Variants in SRPK2 observed in about 807,000 individuals in gnomAD.
SRPK2 encodes SFRS protein kinase 2.
In SRPK2, 21 loss-of-function variants were observed where a neutral mutation model predicts 90.8. The ratio of observed to expected loss-of-function variants is 0.23; its 90% CI spans 0.16 to 0.33. SRPK2 has a LOEUF of 0.33. Among genes scored for constraint, SRPK2 ranks in the 10% least tolerant of loss-of-function variants. The pLI, the probability that SRPK2 is intolerant of heterozygous loss-of-function variation, is 1.00. For synonymous variants in SRPK2, 288 were observed against 311.1 expected (o/e 0.93, Z 0.78); for missense variants, 620 against 869.0 (o/e 0.71, Z 3.60).
intron 1 of SRPK2, among the ~76,000 whole-genome samples, chr7:105,397,892 C>T (rs1444377966): frequency 6.6e-6 from 1 of 152,180 alleles, no homozygotes; most frequent in Non-Finnish European, 1.5e-5. Flanking sequence ...AAGTGACCCA[C>T]TCACCTCGGC....
chr7:105,321,235 T>A (rs1004472158), intron 2 of SRPK2, among the ~76,000 whole-genome samples: 2 of 152,126 alleles, frequency 1.3e-5, no homozygotes, highest in African/African-American at 4.8e-5. Context: ...GAACAGACTA[T>A]TCAACAAATG....
chr7:105,355,481 C>T (rs1352738676), intron 2 of SRPK2, among the ~76,000 whole-genome samples: 1 of 151,988 alleles, frequency 6.6e-6, no homozygotes, highest in Non-Finnish European at 1.5e-5. Flanking sequence ...CACATCTCAA[C>T]TGAAAATAAA....
intron 2 of SRPK2, among the ~76,000 whole-genome samples, chr7:105,223,062 G>A (rs1798296000): frequency 6.6e-6 from 1 of 152,158 alleles, no homozygotes; most frequent in African/African-American, 2.4e-5. Context: ...GGCTGAAGTG[G>A]CCCAGCTGAC....
rs764091101 is a variant in SRPK2, at chr7:105,167,489, G to A, written c.427-25C>T. 12 of 1,574,498 alleles carry A rather than the reference G, an allele frequency of 7.6e-6. 1 individual carries two copies. Among genetic ancestry groups the A allele is most frequent in the South Asian group, 3.3e-5 (3 of 89,906 alleles). ...CCTATGCCAAGAAAAATGAATGCAA[G>A]AACACAGGAGTTTGAGACAAAGCAT... On this transcript the variant is annotated intron_variant, in intron 5 of 15. Transcript: ENST00000393651.
intron 3 of SRPK2, among the ~76,000 whole-genome samples, chr7:105,191,690 T>C (rs1248490383): frequency 1.3e-5 from 2 of 152,092 alleles, no homozygotes; most frequent in Admixed American, 6.6e-5. Context: ...CTGCCCTCCA[T>C]ACTCAACAGA....
intron 3 of SRPK2, among the ~76,000 whole-genome samples, chr7:105,177,710 T>TA (rs975653897): frequency 5.3e-5 from 8 of 151,876 alleles, no homozygotes; most frequent in Admixed American, 2.0e-4. Context: ...AAACTGCTCT[T>TA]AAAAAAACAA....
chr7:105,315,782 A>C (rs990928768), intron 2 of SRPK2, among the ~76,000 whole-genome samples: 1 of 152,226 alleles, frequency 6.6e-6, no homozygotes, highest in Non-Finnish European at 1.5e-5. Flanking sequence ...ACAAATATTC[A>C]TGGTGAACAA....
chr7:105,233,774 C>G (rs549345049), intron 2 of SRPK2, among the ~76,000 whole-genome samples: 9 of 152,150 alleles, frequency 5.9e-5, no homozygotes, highest in African/African-American at 2.2e-4. Context: ...GCAGGAGAAT[C>G]GCTTGAACCT....
At chr7:105,349,536 A>AG (rs1816906822) in intron 2 of SRPK2, among the ~76,000 whole-genome samples, 1 of 149,838 alleles carries the variant, frequency 6.7e-6, no homozygotes, top group Admixed American at 6.7e-5. Context: ...AAAAAAAAAA[A>AG]AAGAATTAGG....
At chr7:105,236,243 C>T (rs994256721) in intron 2 of SRPK2, among the ~76,000 whole-genome samples, 1 of 152,168 alleles carries the variant, frequency 6.6e-6, no homozygotes, top group Non-Finnish European at 1.5e-5. Context: ...GAGTTTAGGA[C>T]AGGGAAATGA....
chr7:105,388,867 C>T lies in SRPK2; in HGVS notation c.-61G>A, dbSNP rs1821988511. ...ACGGCGACGCGGGCGCCGAGACGAGCTGGGCTGCAGCCTCCACTCGCTCCG... is the reference window on the plus strand; with the variant it reads ...ACGGCGACGCGGGCGCCGAGACGAGTTGGGCTGCAGCCTCCACTCGCTCCG... On this transcript the variant is annotated 5_prime_UTR_variant, in exon 1 of 16. Coordinates refer to ENST00000393651, the MANE Select transcript of SRPK2 (RefSeq NM_182692.3). 7.7e-7 allele frequency: 1 copy of T among 1,306,432 alleles called. No homozygotes were observed. Among genetic ancestry groups the T allele is most frequent in the East Asian group, 3.2e-5 (1 of 31,448 alleles). The allele number at this position is 1,306,432 out of a possible 1,614,324, so 80.9% of individuals were successfully genotyped here. A position where few individuals can be genotyped will look rare whatever the true frequency, so the allele number is the denominator to read the frequency against.
At chr7:105,324,461 G>T (rs372476061) in intron 2 of SRPK2, among the ~76,000 whole-genome samples, 1 of 152,056 alleles carries the variant, frequency 6.6e-6, no homozygotes, top group African/African-American at 2.4e-5. Flanking sequence ...GATTACAGGC[G>T]TGAGCCACCA....
At chr7:105,172,570 T>A (rs1791290398) in intron 3 of SRPK2, among the ~76,000 whole-genome samples, 1 of 152,198 alleles carries the variant, frequency 6.6e-6, no homozygotes, top group African/African-American at 2.4e-5. Context: ...TAGGAAAGAC[T>A]GATCTACCAT....
intron 2 of SRPK2, among the ~76,000 whole-genome samples, chr7:105,322,872 C>A (rs184955699): frequency 3.3e-5 from 5 of 152,294 alleles, no homozygotes; most frequent in Non-Finnish European, 5.9e-5. Flanking sequence ...CCCTGGCTCA[C>A]AGCCTGGGTG....
At chr7:105,264,462 T>C (rs1245500825) in intron 2 of SRPK2, among the ~76,000 whole-genome samples, 1 of 152,228 alleles carries the variant, frequency 6.6e-6, no homozygotes, top group Non-Finnish European at 1.5e-5. Flanking sequence ...TTATTCGGCA[T>C]TGGTAGAATA....
chr7:105,378,649 G>C (rs1327268539), intron 2 of SRPK2, among the ~76,000 whole-genome samples: 1 of 151,912 alleles, frequency 6.6e-6, no homozygotes, highest in Non-Finnish European at 1.5e-5. Context: ...TGTAGTCCCA[G>C]CTACTCAGGA....
intron 2 of SRPK2, among the ~76,000 whole-genome samples, chr7:105,326,002 C>T (rs1165289634): frequency 1.3e-5 from 2 of 152,300 alleles, no homozygotes. Flanking sequence ...GGTCCCCTGC[C>T]GGCGGGACAC....
intron 2 of SRPK2, among the ~76,000 whole-genome samples, chr7:105,325,478 C>T (rs776918218): frequency 2.0e-5 from 1 of 50,938 alleles, no homozygotes; most frequent in East Asian, 6.4e-4. Context: ...GACTAGAAAC[C>T]AAGTCTTCAA....
At chr7:105,180,513 T>C (rs1427748995) in intron 3 of SRPK2, among the ~76,000 whole-genome samples, 1 of 152,178 alleles carries the variant, frequency 6.6e-6, no homozygotes, top group Non-Finnish European at 1.5e-5. Context: ...CCTAACACTT[T>C]GGGGGACCAA....
Sources: allele counts gnomAD v4.1 joint callset (sites outside exome capture counted in the v4.1 genomes callset), GRCh38; gene constraint gnomAD v4.1.1; transcripts MANE v1.5; gene names NCBI Gene and HGNC (gene_info 2026-07-23, HGNC 2026-07-21).